The following WASF3 variants were observed in gnomAD, a reference collection of about 807,000 sequenced individuals.
The protein encoded by WASF3 is actin-binding protein WASF3.
A neutral mutation model predicts 46.6 loss-of-function variants in WASF3; 11 were observed. That is an observed-to-expected ratio of 0.24 (90% CI 0.15 to 0.39). The LOEUF (loss-of-function observed/expected upper bound fraction) is 0.39, where lower values mean the gene tolerates loss of function less well. Ranked by LOEUF, WASF3 falls within the 10% of genes least tolerant of loss-of-function variation. The pLI, the probability that WASF3 is intolerant of heterozygous loss-of-function variation, is 1.00. For synonymous variants in WASF3, 242 were observed against 259.7 expected, an observed-to-expected ratio of 0.93 and a Z score of 0.65; for missense variants, 576 against 669.8, an observed-to-expected ratio of 0.86 and a Z score of 1.55.
At chr13:26,592,026 G>GTT (rs10607701) in intron 1 of WASF3, among the ~76,000 whole-genome samples, 22 of 121,144 alleles carry the variant, frequency 1.8e-4, no homozygotes, top group African/African-American at 6.5e-4. Flanking sequence ...GAGCAGGCGA[G>GTT]TTTTTTTTTT....
intron 1 of WASF3, among the ~76,000 whole-genome samples, chr13:26,597,301 T>C (rs1880497860): frequency 6.6e-6 from 1 of 152,062 alleles, no homozygotes; most frequent in Non-Finnish European, 1.5e-5. Context: ...ACCCGGCTAA[T>C]GTTTTGTATT....
In WASF3 at chr13:26,642,589, A is replaced by G. The variant is rs115871037; in HGVS notation, c.133+186A>G. Reference sequence around the variant, plus strand: ...GGGCTTGTGATGCTTAACTTTAGGCAATGAAGATGTGATGCTCTTACCAAC... The same window carrying G: ...GGGCTTGTGATGCTTAACTTTAGGCGATGAAGATGTGATGCTCTTACCAAC... On this transcript the variant is annotated intron_variant, in intron 3 of 9. Transcript: ENST00000335327. Among the ~76,000 whole-genome samples, 1,060 of 152,370 alleles carry G rather than the reference A, an allele frequency of 7.0e-3. 9 individuals carry two copies. Among genetic ancestry groups the G allele is most frequent in the African/African-American group, 0.024 (982 of 41,592 alleles).
chr13:26,548,870 C>A, the WASF3 span, among the ~76,000 whole-genome samples: 1 of 152,190 alleles, frequency 6.6e-6, no homozygotes, highest in East Asian at 1.9e-4. Flanking sequence ...GTCACCTCTT[C>A]TATGCTTCTA....
At chr13:26,616,526 G>T in intron 2 of WASF3, among the ~76,000 whole-genome samples, 1 of 151,988 alleles carries the variant, frequency 6.6e-6, no homozygotes, top group Non-Finnish European at 1.5e-5. Context: ...ATGATTTGTA[G>T]TTTTATTCAT....
chr13:26,634,927 C>G (rs865842424), intron 2 of WASF3, among the ~76,000 whole-genome samples: 3 of 152,120 alleles, frequency 2.0e-5, no homozygotes, highest in African/African-American at 7.2e-5. Context: ...ACATTTTTTC[C>G]TTCATTTCAG....
chr13:26,656,175 A>C (rs1254763759), intron 3 of WASF3, among the ~76,000 whole-genome samples: 1 of 152,174 alleles, frequency 6.6e-6, no homozygotes, highest in Non-Finnish European at 1.5e-5. Flanking sequence ...TACAGTTTTT[A>C]TGCTTTGGCA....
At chr13:26,557,366 T>C (rs1879121945), upstream of WASF3, among the ~76,000 whole-genome samples, 1 of 152,138 alleles carries the variant, frequency 6.6e-6, no homozygotes, top group Non-Finnish European at 1.5e-5. Context: ...AAAGGTACTG[T>C]AATGGGCACC....
chr13:26,679,224 G>T lies in WASF3; in HGVS notation c.717-1830G>T, dbSNP rs529151619. Among the ~76,000 whole-genome samples, 2 of 152,090 alleles carry T rather than the reference G, an allele frequency of 1.3e-5. No individual in the cohort carries two copies. The highest frequency in any genetic ancestry group is 3.9e-4 in the East Asian group (2 of 5,166). On this transcript the variant is annotated intron_variant, in intron 7 of 9. Transcript: ENST00000335327. This position sits in a 1 kb window ranked among gnomAD's most constrained non-coding sequence, Gnocchi z 4.8. ...TGGTTTCTGCCTCCCCACTGGGAGT[G>T]GGGCTCATCTCCAACAGCTGCCTGC... is the stretch of plus-strand genomic sequence containing the variant.
At chr13:26,649,130 A>G (rs1350913401) in intron 3 of WASF3, among the ~76,000 whole-genome samples, 1 of 152,186 alleles carries the variant, frequency 6.6e-6, no homozygotes. Context: ...ATTTTATCTC[A>G]TATCAGGTAC....
At chr13:26,646,909 G>A (rs1196756000) in intron 3 of WASF3, among the ~76,000 whole-genome samples, 1 of 152,228 alleles carries the variant, frequency 6.6e-6, no homozygotes, top group Non-Finnish European at 1.5e-5. Flanking sequence ...TCAGGGTCAT[G>A]AGGATTTAAA....
At chr13:26,680,618 T>G (rs1051778337) in intron 7 of WASF3, among the ~76,000 whole-genome samples, 2 of 152,272 alleles carry the variant, frequency 1.3e-5, no homozygotes, top group African/African-American at 4.8e-5. Context: ...CTGTTCTTAC[T>G]GTTAATATTT....
chr13:26,622,554 C>T (rs1009543080), intron 2 of WASF3: 1 of 152,174 alleles, frequency 6.6e-6, no homozygotes, highest in Non-Finnish European at 1.5e-5. Context: ...ATAGTCTGCT[C>T]TCTTTGGGGT....
At chr13:26,658,816 AC>A (rs1301876614) in intron 3 of WASF3, among the ~76,000 whole-genome samples, 19 of 152,348 alleles carry the variant, frequency 1.2e-4, no homozygotes, top group African/African-American at 4.3e-4. Context: ...ATTGTGGAGC[AC>A]AGAGGGGGTC....
At chr13:26,616,879 A>G (rs1437207336) in intron 2 of WASF3, among the ~76,000 whole-genome samples, 1 of 152,176 alleles carries the variant, frequency 6.6e-6, no homozygotes, top group African/African-American at 2.4e-5. Flanking sequence ...CAAAGGCCTC[A>G]CCTGAAGTAC....
At chr13:26,669,680 A>G (rs745958464) in intron 5 of WASF3, among the ~76,000 whole-genome samples, 2 of 152,000 alleles carry the variant, frequency 1.3e-5, no homozygotes, top group African/African-American at 2.4e-5. Flanking sequence ...AGCCTGGCTA[A>G]TTTTTGTATT....
intron 3 of WASF3, among the ~76,000 whole-genome samples, chr13:26,662,486 G>A (rs973901249): frequency 5.9e-5 from 9 of 152,244 alleles, no homozygotes; most frequent in Non-Finnish European, 1.0e-4. Flanking sequence ...ATGAAGTCAT[G>A]TCTTTTGCAG....
intron 3 of WASF3, among the ~76,000 whole-genome samples, chr13:26,648,957 T>A (rs1882232169): frequency 6.6e-6 from 1 of 152,156 alleles, no homozygotes; most frequent in Admixed American, 6.5e-5. Context: ...ATTAGTTAGG[T>A]TTTTTATTTC....
At chr13:26,625,331 A>G (rs547654006) in intron 2 of WASF3, among the ~76,000 whole-genome samples, 32 of 152,278 alleles carry the variant, frequency 2.1e-4, no homozygotes, top group African/African-American at 7.5e-4. Flanking sequence ...AAGTCCCACA[A>G]TCTGCTGTCT....
chr13:26,652,552 T>A (rs1027936290), intron 3 of WASF3, among the ~76,000 whole-genome samples: 2 of 152,228 alleles, frequency 1.3e-5, no homozygotes, highest in Non-Finnish European at 2.9e-5. Context: ...TCCCAAGTTG[T>A]AGAATACACA....
Sources: allele counts gnomAD v4.1 joint callset (sites outside exome capture counted in the v4.1 genomes callset), GRCh38; gene constraint gnomAD v4.1.1; non-coding constraint Gnocchi (gnomAD v3.1); transcripts MANE v1.5; gene names NCBI Gene and HGNC (gene_info 2026-07-23, HGNC 2026-07-21).